Variants in SHE observed in about 807,000 individuals in gnomAD.
The protein encoded by SHE is Src homology 2 domain containing E.
A neutral mutation model predicts 49.8 loss-of-function variants in SHE; 11 were observed. The ratio of observed to expected loss-of-function variants is 0.22; its 90% CI spans 0.14 to 0.37. The LOEUF (loss-of-function observed/expected upper bound fraction) is 0.37. Ranked by LOEUF, SHE falls within the 10% of genes least tolerant of loss-of-function variation. The pLI is 1.00. For missense variants in SHE, 624 were observed against 655.5 expected (o/e 0.95, Z 0.52); for synonymous variants, 310 against 278.1 (o/e 1.11, Z -1.14).
rs189558704 is a variant in SHE at position 154,490,717 on chromosome 1, G to A, written c.719-1361C>T. Among the ~76,000 whole-genome samples the A allele has an allele frequency of 3.6e-3, 554 of 152,276 alleles. 3 individuals are homozygous for A. Among genetic ancestry groups the A allele is most frequent in the African/African-American group, 0.012 (513 of 41,542 alleles). ...GCAGCTGGAAGCATAGGCAAGCCAG[G>A]TGCCAAGGTGTAGACATTTTAAAAG... is the stretch of plus-strand genomic sequence containing the variant. On this transcript the variant is annotated intron_variant, in intron 2 of 5. Transcript: ENST00000304760.
chr1:154,501,799 C>T lies in SHE; in HGVS notation c.228G>A (p.Pro76=). ...RKNSEAGGAG[P]GPGKGRKNSA... is the part of the protein sequence containing the mutation. ...AGTTCTTGCGGCCCTTGCCAGGACCCGGCCCAGCGCCGCCCGCCTCCGAGT... is the reference window on the plus strand; with the variant it reads ...AGTTCTTGCGGCCCTTGCCAGGACCTGGCCCAGCGCCGCCCGCCTCCGAGT... Residue 76 remains proline, a synonymous_variant, in exon 1 of 6, where the codon CCG becomes CCA. Transcript: ENST00000304760. The T allele has an allele frequency of 6.4e-7, 1 of 1,554,158 alleles. No homozygotes were observed. Among genetic ancestry groups the T allele is most frequent in the South Asian group, 1.2e-5 (1 of 86,108 alleles).
intron 2 of SHE, among the ~76,000 whole-genome samples, chr1:154,492,998 T>C (rs1692413079): frequency 6.6e-6 from 1 of 152,092 alleles, no homozygotes; most frequent in Admixed American, 6.5e-5. Context: ...CCAGCCCACC[T>C]CCCCTAAAAT....
Position 154,492,759 on chromosome 1 carries a change from G to T in SHE, c.719-3403C>A, listed in dbSNP as rs962001394. 2.0e-5 allele frequency among the ~76,000 whole-genome samples: 3 copies of T among 152,204 alleles called. No individual in the cohort carries two copies. In the South Asian group the frequency reaches 6.2e-4, roughly 31 times the overall value. On this transcript the variant is annotated intron_variant, in intron 2 of 5. Transcript: ENST00000304760. ...CAAAGGAGTTCAAAGGATGAATATA[G>T]AATACAATTTTAAGGTTTCTAATCA...
chr1:154,499,029 C>CG, intron 2 of SHE, 83 bp downstream of exon 2: 9 of 1,519,648 alleles, frequency 5.9e-6, no homozygotes, highest in Non-Finnish European at 8.0e-6. Flanking sequence ...TATCCCTCTT[C>CG]CCCAATAGAC....
chr1:154,486,759 T>C, intron 3 of SHE, 76 bp from the exon 4 acceptor site: 8 of 1,540,220 alleles, frequency 5.2e-6, no homozygotes. Flanking sequence ...AAAACCTCCT[T>C]GCCTGCCTTG....
rs1335681871 is a variant in SHE, at chr1:154,502,232, G to C, written c.-206C>G. 3.7e-6 allele frequency: 1 copy of C among 269,476 alleles called. No individual in the cohort carries two copies. Among genetic ancestry groups the C allele is most frequent in the African/African-American group, 2.2e-5 (1 of 44,686 alleles). The allele number at this position is 269,476 out of a possible 1,614,324, so 16.7% of individuals were successfully genotyped here. A position where few individuals can be genotyped will look rare whatever the true frequency, so the allele number is the denominator to read the frequency against. ...CCGCCCGGGCTCGTCTTCAACGCCT[G>C]CCCGGCCCGAGGACACCGTGGCTCT... On this transcript the variant is annotated 5_prime_UTR_variant, in exon 1 of 6. Coordinates refer to ENST00000304760, the MANE Select transcript of SHE (RefSeq NM_001010846.3).
chr1:154,498,559 G>A (rs1040598675), intron 2 of SHE, among the ~76,000 whole-genome samples: 3 of 151,232 alleles, frequency 2.0e-5, no homozygotes, highest in Admixed American at 2.0e-4. Flanking sequence ...CACCACACCC[G>A]GCTAATTTTT....
intron 2 of SHE, among the ~76,000 whole-genome samples, chr1:154,498,648 T>C (rs1692612911): frequency 6.8e-6 from 1 of 146,886 alleles, no homozygotes; most frequent in African/African-American, 2.5e-5. Flanking sequence ...TCTGCCCGCC[T>C]CTCTCCCAAA....
At position 154,481,843 on chromosome 1, in the gene SHE, T is replaced by G; in HGVS notation, c.*2306A>C. On this transcript the variant is annotated 3_prime_UTR_variant, in exon 6 of 6. Coordinates refer to ENST00000304760, the MANE Select transcript of SHE (RefSeq NM_001010846.3). ...TCAGTATCTGAAAAAAACATTCCTT[T>G]TGGTTTTTTGTTTGCTTGCTTGTTG... The G allele has an allele frequency of 6.2e-6, 6 of 968,714 alleles. No homozygotes were observed. Among genetic ancestry groups the G allele is most frequent in the Non-Finnish European group, 7.4e-6 (6 of 814,698 alleles). The allele number at this position is 968,714 out of a possible 1,614,324, so 60.0% of individuals were successfully genotyped here.
intron 4 of SHE, 106 bp downstream of exon 4, chr1:154,486,421 G>A (rs2149291981): frequency 6.9e-7 from 1 of 1,454,548 alleles, no homozygotes; most frequent in Non-Finnish European, 9.3e-7. Context: ...CCAGGCAAGT[G>A]TTCATTAACA....
At chr1:154,470,371 G>T in intron 1 of SHE, 1 of 1,289,210 alleles carries the variant, frequency 7.8e-7, no homozygotes, top group East Asian at 5.5e-5. Context: ...TTCTGTAGAG[G>T]ATGGCAAGGA....
chr1:154,469,927 CA>C (rs1691703189), exon 2 of SHE: 1 of 170,784 alleles, frequency 5.9e-6, no homozygotes, highest in Admixed American at 5.9e-5. Flanking sequence ...CCACATCTTC[CA>C]AACAGAGGAA....
chr1:154,494,960 G>C (rs1692479680), intron 2 of SHE, among the ~76,000 whole-genome samples: 1 of 152,232 alleles, frequency 6.6e-6, no homozygotes, highest in Non-Finnish European at 1.5e-5. Flanking sequence ...GCTGAGGCAG[G>C]AGAATCACTT....
At chr1:154,485,768 C>A (rs1241342532) in intron 5 of SHE, 175 bp downstream of exon 5, 3 of 619,240 alleles carry the variant, frequency 4.8e-6, no homozygotes, top group East Asian at 2.8e-5. Context: ...TTACCCAATA[C>A]CAATTTTGCA....
At chr1:154,489,940 T>C (rs1692312633) in intron 2 of SHE, among the ~76,000 whole-genome samples, 1 of 152,238 alleles carries the variant, frequency 6.6e-6, no homozygotes, top group Non-Finnish European at 1.5e-5. Flanking sequence ...TCATGTGATC[T>C]ACTGAATGCT....
downstream of SHE, among the ~76,000 whole-genome samples, chr1:154,477,352 T>C (rs1691901218): frequency 6.6e-6 from 1 of 152,078 alleles, no homozygotes; most frequent in African/African-American, 2.4e-5. Flanking sequence ...TAACATAAAA[T>C]TTACCATCTT....
In SHE at chr1:154,501,712, G is replaced by A. The variant is rs745616982; in HGVS notation, c.315C>T (p.Arg105=). 1.2e-6 allele frequency: 2 copies of A among 1,605,762 alleles called. No homozygotes were observed. Among genetic ancestry groups the A allele is most frequent in the East Asian group, 2.2e-5 (1 of 44,540 alleles). The part of the protein sequence containing the change: ...GVGPKDSRLS[R]DSLQGLIQAA... Reference sequence around the variant, plus strand: ...CCTGAATCAGACCCTGCAGGCTGTCGCGGGACAGCCGGCTGTCCTTGGGGC... The same window carrying A: ...CCTGAATCAGACCCTGCAGGCTGTCACGGGACAGCCGGCTGTCCTTGGGGC... Residue 105 remains arginine, a synonymous_variant, in exon 1 of 6, where the codon CGC becomes CGT. Coordinates refer to ENST00000304760, the MANE Select transcript of SHE (RefSeq NM_001010846.3).
chr1:154,478,739 A>G (rs1331351859), downstream of SHE, among the ~76,000 whole-genome samples: 2 of 152,212 alleles, frequency 1.3e-5, no homozygotes, highest in Admixed American at 6.5e-5. Flanking sequence ...ACACGTGTTC[A>G]ATCTGAATTC....
Position 154,501,802 on chromosome 1 carries a change from C to G in SHE, c.225G>C (p.Gly75=), listed in dbSNP as rs1692772406. The change falls in exon 1 of 6, where the codon GGG becomes GGC. Residue 75 remains glycine, a synonymous_variant. Transcript: ENST00000304760. ...TCTTGCGGCCCTTGCCAGGACCCGG[C>G]CCAGCGCCGCCCGCCTCCGAGTTCT... ...LRKNSEAGGA[G]PGPGKGRKNS... 1 of 1,552,388 alleles carries G rather than the reference C, an allele frequency of 6.4e-7. No homozygotes were observed. Among genetic ancestry groups the G allele is most frequent in the Non-Finnish European group, 8.6e-7 (1 of 1,156,624 alleles).
Sources: allele counts gnomAD v4.1 joint callset (sites outside exome capture counted in the v4.1 genomes callset), GRCh38; gene constraint gnomAD v4.1.1; transcripts MANE v1.5; gene names NCBI Gene and HGNC (gene_info 2026-07-23, HGNC 2026-07-21).